The following TRPM7 variants were observed in gnomAD, a reference collection of about 807,000 sequenced individuals.
TRPM7 encodes the protein transient receptor potential cation channel subfamily M member 7.
In TRPM7, 134 loss-of-function variants were observed where a neutral mutation model predicts 229.7. The observed-to-expected ratio is 0.58, with a 90% confidence interval of 0.51 to 0.67. The LOEUF is 0.67. Ranked by LOEUF, TRPM7 falls within the 30% of genes least tolerant of loss-of-function variation. TRPM7 has a pLI of 0.00. For missense variants in TRPM7, 1,901 were observed against 2,210.0 expected (o/e 0.86, Z 2.80); for synonymous variants, 699 against 715.2 (o/e 0.98, Z 0.36).
chr15:50,588,141 T>C (rs1376353800), intron 27 of TRPM7: 1 of 792,858 alleles, frequency 1.3e-6, no homozygotes, highest in African/African-American at 1.9e-5. Context: ...AGCACATGGG[T>C]ATATTTTAAG....
At chr15:50,604,838 G>A (rs761277604) in intron 21 of TRPM7, 28 bp downstream of exon 21, 13 of 1,520,924 alleles carry the variant, frequency 8.5e-6, no homozygotes, top group Middle Eastern at 1.8e-4. Context: ...ATAAACCCAC[G>A]AGTATTATCA....
At chr15:50,567,174 A>G (rs1013114237) in intron 38 of TRPM7, among the ~76,000 whole-genome samples, 2 of 151,984 alleles carry the variant, frequency 1.3e-5, no homozygotes, top group African/African-American at 4.8e-5. Flanking sequence ...TTTTATTTTT[A>G]AAATTATTTT....
chr15:50,681,506 C>T (rs1266346007), intron 1 of TRPM7, among the ~76,000 whole-genome samples: 1 of 152,192 alleles, frequency 6.6e-6, no homozygotes, highest in Non-Finnish European at 1.5e-5. Flanking sequence ...GTCCTCCTAA[C>T]AGTAATAGTC....
At chr15:50,612,421 T>G in intron 16 of TRPM7, 128 bp downstream of exon 16, 1 of 627,110 alleles carries the variant, frequency 1.6e-6, no homozygotes, top group Non-Finnish European at 2.4e-6. Flanking sequence ...TATAATTTTC[T>G]GTCAATTGTA....
At chr15:50,585,865 G>T (rs2059328187) in intron 28 of TRPM7, among the ~76,000 whole-genome samples, 1 of 152,118 alleles carries the variant, frequency 6.6e-6, no homozygotes, top group Admixed American at 6.5e-5. Context: ...ATGGTACAAG[G>T]CAACATGTAT....
Position 50,609,648 on chromosome 15 carries a change from T to C in TRPM7, c.2513A>G (p.Lys838Arg), listed in dbSNP as rs757708184. 2.5e-6 allele frequency: 4 copies of C among 1,612,690 alleles called. No homozygotes were observed. The highest frequency in any genetic ancestry group is 3.4e-6 in the Non-Finnish European group (4 of 1,179,318). ...NEMEIQMKSK[K>R]LPITRKFYAF... The stretch of plus-strand genomic sequence containing the variant: ...ATAAAACTTTCGCGTAATTGGAAGC[T>C]TTTTTGATTTCATTTGTATCTCCAT... The change falls in exon 19 of 39, where the codon AAG (lysine) becomes AGG (arginine). Residue 838 changes from lysine to arginine, a missense_variant. Transcript: ENST00000646667.
Position 50,592,575 on chromosome 15 carries a change from G to A in TRPM7, c.3660C>T (p.Tyr1220=), listed in dbSNP as rs765615390. 6.2e-7 allele frequency: 1 copy of A among 1,607,968 alleles called. No homozygotes were observed. Among genetic ancestry groups the A allele is most frequent in the Non-Finnish European group, 8.5e-7 (1 of 1,179,554 alleles). ...QIKEVGDRVN[Y]IKRSLQSLDS... ...CTAATGATTGTAATGATCTTTTTAT[G>A]TAGTTGACACGATCTCCAACTTCTT... Residue 1220 remains tyrosine (Y), a synonymous_variant, in exon 26 of 39, where the codon TAC becomes TAT. Transcript: ENST00000646667.
chr15:50,654,072 T>A (rs542598892), intron 3 of TRPM7, among the ~76,000 whole-genome samples: 5 of 152,240 alleles, frequency 3.3e-5, no homozygotes, highest in African/African-American at 1.2e-4. Flanking sequence ...AAAGAATCTA[T>A]CAAAAATTAA....
At chr15:50,611,047 T>C in intron 17 of TRPM7, 46 bp downstream of exon 17, 2 of 1,462,162 alleles carry the variant, frequency 1.4e-6, no homozygotes, top group Non-Finnish European at 1.9e-6. Flanking sequence ...CTTCTGTTCT[T>C]TTTATCTAAT....
rs149737937 is a variant in TRPM7, at chr15:50,637,701, T to C, written c.661-108A>G. ...ACAAGTAAGAAGTAAAATTCTATTTTACATACAGAAATAAATACCAAATGA... is the reference window on the plus strand; with the variant it reads ...ACAAGTAAGAAGTAAAATTCTATTTCACATACAGAAATAAATACCAAATGA... On this transcript the variant is annotated intron_variant, in intron 6 of 38. Transcript: ENST00000646667. The C allele has an allele frequency of 6.5e-4, 628 of 971,116 alleles. 6 individuals are homozygous for C. The highest frequency in any genetic ancestry group is 7.5e-4 in the Non-Finnish European group (506 of 673,766). The allele number at this position is 971,116 out of a possible 1,614,324, so 60.2% of individuals were successfully genotyped here.
rs35648842 is a variant in TRPM7, at chr15:50,607,250, A to T, written c.2659T>A (p.Trp887Arg). The change falls in exon 20 of 39, where the codon TGG becomes AGG. Residue 887 changes from tryptophan to arginine, a missense_variant. By Grantham distance (101) the Trp-to-Arg change is moderately radical. Transcript: ENST00000646667. ...GTAAAAATATAAGCAATAACAATCC[A>T]TTCTTGAACTGAAGGTAACTGTTCC... ...QMEQLPSVQE[W>R]IVIAYIFTYA... 2.5e-4 allele frequency: 403 copies of T among 1,611,416 alleles called. No individual in the cohort carries two copies. The highest frequency in any genetic ancestry group is 3.2e-4 in the Non-Finnish European group (382 of 1,178,576).
At chr15:50,622,311 C>G (rs1344577801) in intron 12 of TRPM7, among the ~76,000 whole-genome samples, 1 of 152,136 alleles carries the variant, frequency 6.6e-6, no homozygotes, top group African/African-American at 2.4e-5. Flanking sequence ...AGAACTACTG[C>G]TTTATCATGT....
rs548458428 is a variant in TRPM7, at chr15:50,677,521, G to A, written c.3+9010C>T. Among the ~76,000 whole-genome samples, 33 of 150,416 alleles carry A rather than the reference G, an allele frequency of 2.2e-4. 1 individual carries two copies. The East Asian group carries it at 6.6e-3, about 30-fold the overall frequency. On this transcript the variant is annotated intron_variant, in intron 1 of 38. Transcript: ENST00000646667. Reference sequence around the variant, plus strand: ...TTTGGGAGGCCAAGGCAGGCGGATCGCAAGGTCAGAAGTTTGAGACCAGCC... The same window carrying A: ...TTTGGGAGGCCAAGGCAGGCGGATCACAAGGTCAGAAGTTTGAGACCAGCC...
At chr15:50,602,639 C>T (rs1384101582) in intron 21 of TRPM7, among the ~76,000 whole-genome samples, 2 of 152,126 alleles carry the variant, frequency 1.3e-5, no homozygotes, top group Non-Finnish European at 2.9e-5. Context: ...TTTAGAGACT[C>T]AATTGTTGAG....
rs1491256460 is a variant in TRPM7 at position 50,619,677 on chromosome 15, TTA to T, written c.1494+66_1494+67del. ...AAAATGTATTTAAATGATTTTTTTT[TTA>T]AAAAACATGAAATATAAATGATTTT... On this transcript the variant is annotated intron_variant, in intron 13 of 38. Transcript: ENST00000646667. The T allele has an allele frequency of 7.1e-6, 9 of 1,275,830 alleles. No individual in the cohort carries two copies. In the African/African-American group the frequency reaches 9.2e-5, roughly 13 times the overall value. 79.0% of individuals were successfully genotyped at this position (1,275,830 alleles called of 1,614,324 possible). A position where few individuals can be genotyped will look rare whatever the true frequency, so the allele number is the denominator to read the frequency against.
intron 29 of TRPM7, among the ~76,000 whole-genome samples, chr15:50,581,997 C>A (rs755300124): frequency 1.3e-5 from 2 of 152,062 alleles, no homozygotes; most frequent in Non-Finnish European, 2.9e-5. Flanking sequence ...GAGTTTCACT[C>A]TGAAGCCCAG....
chr15:50,599,318 T>G (rs1416868356), intron 21 of TRPM7, 22 bp from the exon 22 acceptor site: 2 of 1,566,058 alleles, frequency 1.3e-6, no homozygotes, highest in Admixed American at 3.6e-5. Flanking sequence ...TGAACACTGT[T>G]AAAATACAAG....
chr15:50,641,889 A>G (rs2061111807), intron 5 of TRPM7, among the ~76,000 whole-genome samples: 1 of 151,806 alleles, frequency 6.6e-6, no homozygotes, highest in African/African-American at 2.4e-5. Flanking sequence ...AATCCCAGCT[A>G]CTTGGGAGGC....
At chr15:50,624,935 T>C (rs1204192655) in intron 11 of TRPM7, among the ~76,000 whole-genome samples, 3 of 152,180 alleles carry the variant, frequency 2.0e-5, no homozygotes, top group Non-Finnish European at 4.4e-5. Context: ...TTAAAAGAAA[T>C]CATTCATCAT....
Sources: gnomAD v4.1 joint callset for allele counts (sites outside exome capture counted in the v4.1 genomes callset) on GRCh38, gnomAD v4.1.1 for gene constraint, MANE v1.5 for transcripts, NCBI Gene and HGNC (gene_info 2026-07-23, HGNC 2026-07-21) for gene names.